The following RALYL variants were observed in gnomAD, a reference collection of about 807,000 sequenced individuals.
The protein encoded by RALYL is RNA-binding Raly-like protein.
Under a neutral mutation model 35.1 loss-of-function variants are expected in RALYL, and 29 were observed. The ratio of observed to expected loss-of-function variants is 0.83; its 90% confidence interval spans 0.61 to 1.13. The LOEUF is 1.13. Ranked by LOEUF, RALYL falls within the 50% of genes most tolerant of loss-of-function variation. The pLI is 0.00. For missense variants in RALYL, 359 were observed against 360.4 expected (o/e 1.00, Z 0.03); for synonymous variants, 120 against 127.6 (o/e 0.94, Z 0.40).
At chr8:84,644,574 A>G (rs1827081820) in intron 2 of RALYL, among the ~76,000 whole-genome samples, 2 of 152,072 alleles carry the variant, frequency 1.3e-5, no homozygotes. Flanking sequence ...GACAGCAGGG[A>G]AAGTGTAGCA....
At chr8:84,727,784 C>G (rs1845282466) in intron 2 of RALYL, among the ~76,000 whole-genome samples, 1 of 151,954 alleles carries the variant, frequency 6.6e-6, no homozygotes, top group Non-Finnish European at 1.5e-5. Context: ...TCATCCATGT[C>G]CCTACAAAGG....
At chr8:84,732,750 G>A (rs1290361631) in intron 2 of RALYL, among the ~76,000 whole-genome samples, 1 of 150,026 alleles carries the variant, frequency 6.7e-6, no homozygotes, top group African/African-American at 2.5e-5. Flanking sequence ...AGGCTGGAGT[G>A]CAGTGGCGCT....
chr8:84,494,592 A>G (rs1473685771), intron 1 of RALYL, among the ~76,000 whole-genome samples: 1 of 151,858 alleles, frequency 6.6e-6, no homozygotes, highest in Non-Finnish European at 1.5e-5. Context: ...AGTGGCTTGT[A>G]GTTCTTGAAG....
At chr8:84,208,052 G>A (rs1230892156) in intron 1 of RALYL, among the ~76,000 whole-genome samples, 1 of 152,064 alleles carries the variant, frequency 6.6e-6, no homozygotes, top group Non-Finnish European at 1.5e-5. Flanking sequence ...ATTAGCAATA[G>A]TAAAGAACGG....
chr8:84,640,248 C>G (rs1485572377), intron 2 of RALYL, among the ~76,000 whole-genome samples: 1 of 151,812 alleles, frequency 6.6e-6, no homozygotes, highest in East Asian at 1.9e-4. Flanking sequence ...AACATTAATT[C>G]TTTTAAATAT....
intron 2 of RALYL, among the ~76,000 whole-genome samples, chr8:84,672,237 C>G (rs1002902335): frequency 6.6e-6 from 1 of 152,162 alleles, no homozygotes; most frequent in African/African-American, 2.4e-5. Flanking sequence ...CAACAAGTTC[C>G]TCATCTCCAT....
At chr8:84,594,874 T>C (rs1343165789) in intron 2 of RALYL, among the ~76,000 whole-genome samples, 7 of 152,102 alleles carry the variant, frequency 4.6e-5, no homozygotes, top group Admixed American at 2.0e-4. Context: ...ATTTAGAAAA[T>C]TGATCTTCCA....
chr8:84,722,972 A>G (rs985054946), intron 2 of RALYL, among the ~76,000 whole-genome samples: 2 of 151,932 alleles, frequency 1.3e-5, no homozygotes, highest in African/African-American at 4.8e-5. Flanking sequence ...GACACAAAAT[A>G]TCTACAATTT....
At chr8:84,827,799 C>T (rs1048331493) in intron 4 of RALYL, among the ~76,000 whole-genome samples, 2 of 152,086 alleles carry the variant, frequency 1.3e-5, no homozygotes, top group East Asian at 1.9e-4. Context: ...GAAGTACATA[C>T]GTTGAGATTT....
chr8:84,186,824 A>G (rs1812651156), intron 1 of RALYL, among the ~76,000 whole-genome samples: 1 of 151,976 alleles, frequency 6.6e-6, no homozygotes, highest in East Asian at 1.9e-4. Flanking sequence ...AATTTTTCAG[A>G]TTTCTTCCTG....
intron 1 of RALYL, among the ~76,000 whole-genome samples, chr8:84,479,416 C>T (rs1337327370): frequency 1.3e-5 from 2 of 152,078 alleles, no homozygotes; most frequent in African/African-American, 4.8e-5. Context: ...TTTTATTAAC[C>T]ATGAAAATGG....
intron 1 of RALYL, among the ~76,000 whole-genome samples, chr8:84,412,608 C>T (rs936172541): frequency 1.3e-5 from 2 of 151,872 alleles, no homozygotes; most frequent in African/African-American, 4.8e-5. Context: ...TTAATAGCTT[C>T]CTAATTATAG....
At chr8:84,493,647 G>C (rs988230636) in intron 1 of RALYL, among the ~76,000 whole-genome samples, 5 of 152,012 alleles carry the variant, frequency 3.3e-5, no homozygotes, top group African/African-American at 1.2e-4. Flanking sequence ...GTTTTGATTT[G>C]CATTTCCCTA....
intron 1 of RALYL, among the ~76,000 whole-genome samples, chr8:84,501,054 G>A (rs947724516): frequency 6.6e-6 from 1 of 152,078 alleles, no homozygotes; most frequent in African/African-American, 2.4e-5. Context: ...TAACATATAA[G>A]TCATCATCTA....
At chr8:84,696,820 T>C (rs1353896403) in intron 2 of RALYL, among the ~76,000 whole-genome samples, 3 of 152,004 alleles carry the variant, frequency 2.0e-5, no homozygotes, top group African/African-American at 7.2e-5. Flanking sequence ...TAATGGCAAA[T>C]GCAGAGTTTA....
rs1554766145 is a variant in RALYL, at chr8:84,654,310, T to TATATATATATATATATATATATAC, written c.257-120265_257-120264insATATATATATATATATATACATAT. ...ATATATATATATATATATATATATA[T>TATATATATATATATATATATATAC]ATATCATGTACCACATATAGGTATG... On this transcript the variant is annotated intron_variant, in intron 2 of 8. Transcript: ENST00000521268. 3.3e-4 allele frequency among the ~76,000 whole-genome samples: 45 copies of TATATATATATATATATATATATAC among 134,720 alleles called. 1 individual carries two copies. Among genetic ancestry groups the TATATATATATATATATATATATAC allele is most frequent in the African/African-American group, 1.2e-3 (44 of 36,460 alleles). 88.4% of individuals were successfully genotyped at this position (134,720 alleles called of 152,430 possible).
chr8:84,361,624 G>A (rs994279776), intron 1 of RALYL, among the ~76,000 whole-genome samples: 1 of 152,122 alleles, frequency 6.6e-6, no homozygotes, highest in South Asian at 2.1e-4. Flanking sequence ...TCTTCGCCAG[G>A]TTTAAAATGG....
intron 2 of RALYL, among the ~76,000 whole-genome samples, chr8:84,713,549 T>A (rs1437444541): frequency 6.6e-6 from 1 of 151,942 alleles, no homozygotes; most frequent in Non-Finnish European, 1.5e-5. Flanking sequence ...AGAAGAATTG[T>A]TATAAAAGTG....
chr8:84,785,196 T>TTA (rs1348193062), intron 3 of RALYL, among the ~76,000 whole-genome samples: 1 of 152,144 alleles, frequency 6.6e-6, no homozygotes, highest in Admixed American at 6.5e-5. Context: ...CTGGGTATAT[T>TTA]GCATGATGAT....
Sources: allele counts gnomAD v4.1 joint callset (sites outside exome capture counted in the v4.1 genomes callset), GRCh38; gene constraint gnomAD v4.1.1; transcripts MANE v1.5; gene names NCBI Gene and HGNC (gene_info 2026-07-23, HGNC 2026-07-21).